Variants in ZNF727 observed in about 807,000 individuals in gnomAD.
The protein encoded by ZNF727 is putative zinc finger protein 727.
ZNF727 carries 11 observed loss-of-function variants against 11.5 expected under a neutral mutation model. The observed-to-expected ratio is 0.95, with a 90% CI of 0.60 to 1.58. The LOEUF is 1.58. ZNF727 is among the 40% of genes most tolerant of loss of function. The pLI is 0.00. For missense variants in ZNF727, 533 were observed against 581.7 expected (o/e 0.92, Z 0.86); for synonymous variants, 171 against 196.1 (o/e 0.87, Z 1.07).
intron 1 of ZNF727, among the ~76,000 whole-genome samples, chr7:64,061,171 A>AAT (rs1187896719): frequency 1.3e-5 from 2 of 152,086 alleles, no homozygotes; most frequent in Non-Finnish European, 2.9e-5. Flanking sequence ...ATTCTTTGTA[A>AAT]ATATCTATTA....
At chr7:64,070,158 A>G (rs1010756197) in intron 3 of ZNF727, among the ~76,000 whole-genome samples, 11 of 152,230 alleles carry the variant, frequency 7.2e-5, no homozygotes, top group Middle Eastern at 3.4e-3. Context: ...CAGTAATTAT[A>G]TTAAAACACT....
intron 1 of ZNF727, among the ~76,000 whole-genome samples, chr7:64,063,394 G>T (rs370133395): frequency 1.3e-5 from 2 of 151,256 alleles, no homozygotes; most frequent in Admixed American, 1.3e-4. Flanking sequence ...TACCACTTTG[G>T]TGGTCATAGG....
rs1161571833 is a variant in ZNF727, at chr7:64,084,020, A to G, written c.*5471A>G. On this transcript the variant is annotated 3_prime_UTR_variant, in exon 4 of 4. Transcript: ENST00000456806. ...CATTCTAGAATTTATGTGAAAGAAC[A>G]TGGTCAATGGTTGCTGCACCAGAGT... is the stretch of plus-strand genomic sequence containing the variant. 1.3e-5 allele frequency among the ~76,000 whole-genome samples: 2 copies of G among 152,206 alleles called. No individual in the cohort carries two copies. The highest frequency in any genetic ancestry group is 2.9e-5 in the Non-Finnish European group (2 of 68,042).
chr7:64,064,784 G>T (rs1225909614), intron 1 of ZNF727, among the ~76,000 whole-genome samples: 1 of 152,106 alleles, frequency 6.6e-6, no homozygotes, highest in African/African-American at 2.4e-5. Flanking sequence ...CCCTCTGCAG[G>T]CTCTGGCTGA....
In ZNF727 at chr7:64,080,736, A is replaced by G. The variant is rs1785772368; in HGVS notation, c.*2187A>G. ...AACATTTTTGCACTGATTTTGTCTC[A>G]TCTTTGTGGGCGTATCTTTAAAGTT... On this transcript the variant is annotated 3_prime_UTR_variant, in exon 4 of 4. Coordinates refer to ENST00000456806, the MANE Select transcript of ZNF727 (RefSeq NM_001159522.3). 6.6e-6 allele frequency among the ~76,000 whole-genome samples: 1 copy of G among 151,798 alleles called. No homozygotes were observed. Among genetic ancestry groups the G allele is most frequent in the Non-Finnish European group, 1.5e-5 (1 of 67,976 alleles).
At chr7:64,075,614 G>A (rs1790027963) in intron 3 of ZNF727, among the ~76,000 whole-genome samples, 1 of 152,020 alleles carries the variant, frequency 6.6e-6, no homozygotes. Context: ...ATTATCTTAA[G>A]TAAATTAATG....
chr7:64,070,070 C>T (rs944725240), intron 3 of ZNF727, among the ~76,000 whole-genome samples: 15 of 151,954 alleles, frequency 9.9e-5, no homozygotes, highest in Non-Finnish European at 1.8e-4. Context: ...AGGAACACCA[C>T]AAAAAGATGT....
At chr7:64,047,543 C>T (rs1270716699) in intron 1 of ZNF727, among the ~76,000 whole-genome samples, 1 of 152,166 alleles carries the variant, frequency 6.6e-6, no homozygotes, top group African/African-American at 2.4e-5. Flanking sequence ...CCAAGTATTA[C>T]AGCTTTCTGG....
chr7:64,083,946 A>C lies in ZNF727; in HGVS notation c.*5397A>C, dbSNP rs1229551491. On this transcript the variant is annotated 3_prime_UTR_variant, in exon 4 of 4. Coordinates refer to ENST00000456806, the MANE Select transcript of ZNF727 (RefSeq NM_001159522.3). Reference sequence around the variant, plus strand: ...TTTTATATTAAAATAATTTATTTTCAAAGGCAAATATTGATGTAATTTAAC... The same window carrying C: ...TTTTATATTAAAATAATTTATTTTCCAAGGCAAATATTGATGTAATTTAAC... Among the ~76,000 whole-genome samples the C allele has an allele frequency of 1.3e-5, 2 of 152,246 alleles. No homozygotes were observed. The highest frequency in any genetic ancestry group is 2.4e-5 in the African/African-American group (1 of 41,458).
chr7:64,063,382 G>A (rs936569505), intron 1 of ZNF727, among the ~76,000 whole-genome samples: 2 of 152,128 alleles, frequency 1.3e-5, no homozygotes, highest in Non-Finnish European at 2.9e-5. Flanking sequence ...GACTTGTAGA[G>A]GTACCACTTT....
chr7:64,077,407 G>T lies in ZNF727; in HGVS notation c.358G>T (p.Val120Leu). 1 of 1,551,948 alleles carries T rather than the reference G, an allele frequency of 6.4e-7. No homozygotes were observed. Among genetic ancestry groups the T allele is most frequent in the Non-Finnish European group, 8.7e-7 (1 of 1,147,040 alleles). Residue 120 changes from valine to leucine, a missense_variant, in exon 4 of 4, where the codon GTG becomes TTG. By Grantham distance (32) the Val-to-Leu change is conservative. This residue lies in a region of ZNF727 where 463 missense variants were observed against 494.5 expected (regional missense o/e 0.94). Coordinates refer to ENST00000456806, the MANE Select transcript of ZNF727 (RefSeq NM_001159522.3). ...TLRLKKDYQR[V>L]GNCKGQKSSY... ...ACGTTTAAAGAAAGACTACCAACGT[G>T]TGGGTAATTGCAAGGGGCAGAAAAG...
At chr7:64,046,196 G>GT (rs1289320684) in intron 1 of ZNF727, among the ~76,000 whole-genome samples, 1 of 151,914 alleles carries the variant, frequency 6.6e-6, no homozygotes, top group Non-Finnish European at 1.5e-5. Flanking sequence ...TTGTGGTTTT[G>GT]TTTTTTGTTT....
intron 2 of ZNF727, 139 bp from the exon 3 acceptor site, chr7:64,069,375 G>A: frequency 5.1e-6 from 4 of 787,100 alleles, no homozygotes; most frequent in South Asian, 3.5e-5. Flanking sequence ...ATATTCTGAA[G>A]TTTCTGTTAC....
chr7:64,062,096 A>T lies in ZNF727; in HGVS notation c.4-6795A>T, dbSNP rs368245997. ...ACTTGTGTAGTTAGTATTTTGAATA[A>T]CTAAGCCTCAAAAGTAGAAATATAA... On this transcript the variant is annotated intron_variant, in intron 1 of 3. Transcript: ENST00000456806. 9.8e-4 allele frequency among the ~76,000 whole-genome samples: 149 copies of T among 152,190 alleles called. 3 individuals are homozygous for T. In the South Asian group the frequency reaches 0.027, roughly 28 times the overall value.
At chr7:64,058,872 G>C (rs1399103831) in intron 1 of ZNF727, among the ~76,000 whole-genome samples, 1 of 151,922 alleles carries the variant, frequency 6.6e-6, no homozygotes, top group Non-Finnish European at 1.5e-5. Flanking sequence ...CGGCTGAAGT[G>C]CCCCATGGAA....
At chr7:64,057,891 G>A (rs539230309) in intron 1 of ZNF727, among the ~76,000 whole-genome samples, 1 of 152,128 alleles carries the variant, frequency 6.6e-6, no homozygotes, top group South Asian at 2.1e-4. Flanking sequence ...AATTGTCAAA[G>A]GCTTCCATCT....
chr7:64,059,557 A>C (rs998551231), intron 1 of ZNF727, among the ~76,000 whole-genome samples: 1 of 152,290 alleles, frequency 6.6e-6, no homozygotes, highest in Admixed American at 6.5e-5. Flanking sequence ...CTTATTGATT[A>C]TTCAGATTAT....
At chr7:64,060,026 AG>A (rs760678996) in intron 1 of ZNF727, among the ~76,000 whole-genome samples, 13 of 152,142 alleles carry the variant, frequency 8.5e-5, no homozygotes, top group South Asian at 6.2e-4. Flanking sequence ...AGCCAAGGAA[AG>A]CTTATTTTGC....
Position 64,045,479 on chromosome 7 carries a change from C to CT in ZNF727, c.-142dup. ...GCCTTCGTCTCCTAGCTTCTAGGCT[C>CT]TGAGTCCAGTACCCGTCTGTACTAT... On this transcript the variant is annotated 5_prime_UTR_variant, in exon 1 of 4. Transcript: ENST00000456806. 8.5e-7 allele frequency: 1 copy of CT among 1,173,712 alleles called. No homozygotes were observed. The highest frequency in any genetic ancestry group is 2.0e-5 in the Admixed American group (1 of 50,426). 72.7% of individuals were successfully genotyped at this position (1,173,712 alleles called of 1,614,324 possible).
Sources: allele counts gnomAD v4.1 joint callset (sites outside exome capture counted in the v4.1 genomes callset), GRCh38; gene constraint gnomAD v4.1.1; regional missense constraint gnomAD v4.1.1; transcripts MANE v1.5; gene names NCBI Gene and HGNC (gene_info 2026-07-23, HGNC 2026-07-21).